ISLR2: variants seen among roughly 807,000 people sequenced by gnomAD.
ISLR2 encodes the protein immunoglobulin superfamily containing leucine rich repeat 2.
ISLR2 carries 16 observed loss-of-function variants against 25.5 expected under a neutral mutation model. The observed-to-expected ratio is 0.63, with a 90% CI of 0.43 to 0.95. The LOEUF (loss-of-function observed/expected upper bound fraction) is 0.95. ISLR2 is among the 40% of genes least tolerant of loss of function. The pLI, the probability that ISLR2 is intolerant of heterozygous loss-of-function variation, is 0.00. For synonymous variants in ISLR2, 508 were observed against 486.6 expected (o/e 1.04, Z -0.58); for missense variants, 883 against 1,030.7 (o/e 0.86, Z 1.96).
Position 74,134,095 on chromosome 15 carries a change from C to T in ISLR2, c.1341C>T (p.Asp447=), listed in dbSNP as rs1463980238. ...EDTSEGEEAE[D]QILADPAEEQ... ...CAAGTGAGGGAGAGGAGGCCGAAGACCAGATCCTCGCGGACCCGGCGGAGG... is the reference window on the plus strand; with the variant it reads ...CAAGTGAGGGAGAGGAGGCCGAAGATCAGATCCTCGCGGACCCGGCGGAGG... Residue 447 remains aspartate, a synonymous_variant, in exon 3 of 3, where the codon GAC becomes GAT. Coordinates refer to ENST00000453268, the MANE Select transcript of ISLR2 (RefSeq NM_020851.3). 7.4e-6 allele frequency: 12 copies of T among 1,613,684 alleles called. No homozygotes were observed. The highest frequency in any genetic ancestry group is 1.6e-4 in the Middle Eastern group (1 of 6,062).
upstream of ISLR2, chr15:74,127,363 G>C (rs879513476): frequency 1.3e-5 from 2 of 152,186 alleles, no homozygotes; most frequent in African/African-American, 2.4e-5. Context: ...TCAGAGAGAA[G>C]GGAGAGTGGG....
Position 74,135,127 on chromosome 15 carries a change from G to A in ISLR2, c.*135G>A. ...CTCCCCCTTACTACTCCCCAACCTT[G>A]ACTACCAGGGACTTCTATTAGGGAG... is the stretch of plus-strand genomic sequence containing the variant. On this transcript the variant is annotated 3_prime_UTR_variant, in exon 3 of 3. Transcript: ENST00000453268. 1 of 1,035,728 alleles carries A rather than the reference G, an allele frequency of 9.7e-7. No homozygotes were observed. Among genetic ancestry groups the A allele is most frequent in the Admixed American group, 2.8e-5 (1 of 35,714 alleles). The allele number at this position is 1,035,728 out of a possible 1,614,324, so 64.2% of individuals were successfully genotyped here.
chr15:74,115,634 G>A (rs2072204225), intron 2 of ISLR2, among the ~76,000 whole-genome samples: 1 of 152,050 alleles, frequency 6.6e-6, no homozygotes, highest in African/African-American at 2.4e-5. Context: ...GATGGAGATT[G>A]CAGTGAGGTG....
chr15:74,127,477 G>A (rs1287930162), upstream of ISLR2: 2 of 152,298 alleles, frequency 1.3e-5, no homozygotes, highest in East Asian at 3.9e-4. Context: ...CAGCGCCTGT[G>A]TTGTGTAGTG....
intron 2 of ISLR2, among the ~76,000 whole-genome samples, chr15:74,119,012 A>C (rs1345597364): frequency 6.6e-6 from 1 of 152,152 alleles, no homozygotes; most frequent in Non-Finnish European, 1.5e-5. Flanking sequence ...GATACAGTAT[A>C]GTATTTTTAT....
At chr15:74,110,830 G>A (rs1180346077) in intron 2 of ISLR2, among the ~76,000 whole-genome samples, 1 of 152,108 alleles carries the variant, frequency 6.6e-6, no homozygotes, top group Non-Finnish European at 1.5e-5. Context: ...GTGGTGGCGG[G>A]CACCTGTAAT....
rs541275019 is a variant in ISLR2 at position 74,132,079 on chromosome 15, G to A, written c.-8-668G>A. 7 of 152,618 alleles carry A rather than the reference G, an allele frequency of 4.6e-5. No individual in the cohort carries two copies. Among genetic ancestry groups the A allele is most frequent in the African/African-American group, 1.4e-4 (6 of 41,574 alleles). 9.5% of individuals were successfully genotyped at this position (152,618 alleles called of 1,614,324 possible). ...CAATTGTCACAATGGACAGGAAAGC[G>A]CTTTGTACCGTGGTGGAAAACACGT... On this transcript the variant is annotated intron_variant, in intron 2 of 2. Transcript: ENST00000453268. The surrounding 1 kb of genome is among the most constrained non-coding windows in gnomAD (Gnocchi z 4.3).
chr15:74,127,247 A>G (rs1324625480), upstream of ISLR2: 1 of 152,174 alleles, frequency 6.6e-6, no homozygotes, highest in Non-Finnish European at 1.5e-5. Context: ...TCAAACATCG[A>G]TTACTTCCAA....
exon 1 of ISLR2, chr15:74,100,352 A>C: frequency 1.6e-6 from 2 of 1,214,618 alleles, no homozygotes; most frequent in Non-Finnish European, 2.1e-6. Context: ...AGCCCGCTGG[A>C]GGTGCCGGGG....
chr15:74,113,345 T>A (rs780570562), intron 2 of ISLR2, among the ~76,000 whole-genome samples: 3 of 152,204 alleles, frequency 2.0e-5, no homozygotes. Context: ...GAGATGGGGT[T>A]ATGCCATGTT....
downstream of ISLR2, among the ~76,000 whole-genome samples, chr15:74,139,863 AGTGTGTGTGTGTGTGTGTGT>A (rs10579764): frequency 1.4e-3 from 179 of 128,112 alleles, 1 homozygote; most frequent in South Asian, 3.4e-3. Context: ...CGGCTTGAGG[AGTGTGTGTGTGTGTGTGTGT>A]GTGTGTGTGT....
intron 2 of ISLR2, among the ~76,000 whole-genome samples, chr15:74,108,990 G>T (rs1000584027): frequency 3.9e-5 from 6 of 152,194 alleles, no homozygotes; most frequent in African/African-American, 1.4e-4. Flanking sequence ...ATAGGCCGTG[G>T]CTGGATCAGG....
chr15:74,121,233 G>T (rs1380642757), intron 2 of ISLR2, among the ~76,000 whole-genome samples: 1 of 152,172 alleles, frequency 6.6e-6, no homozygotes. Context: ...ACAGCCGGAA[G>T]ATATGTGGGT....
At chr15:74,128,969 G>A (rs1260333516), upstream of ISLR2, 1 of 456,216 alleles carries the variant, frequency 2.2e-6, no homozygotes, top group East Asian at 7.0e-5. Flanking sequence ...ACTCACCCCG[G>A]GCTAGGGACC....
At chr15:74,105,319 C>T (rs1290736813) in intron 2 of ISLR2, among the ~76,000 whole-genome samples, 4 of 3,532 alleles carry the variant, frequency 1.1e-3, no homozygotes, top group Admixed American at 2.3e-3. Context: ...TCTGGGCCTA[C>T]ACTTTGTTCC....
chr15:74,127,461 T>C (rs2072313198), upstream of ISLR2: 1 of 152,234 alleles, frequency 6.6e-6, no homozygotes, highest in East Asian at 1.9e-4. Context: ...CAGCGCGAAG[T>C]AGGGACAGCG....
At chr15:74,131,657 TA>T (rs2072423216) in intron 2 of ISLR2, among the ~76,000 whole-genome samples, 1 of 152,128 alleles carries the variant, frequency 6.6e-6, no homozygotes, top group African/African-American at 2.4e-5. Flanking sequence ...CCAGCTTCAT[TA>T]GCTAGTGGCA....
At chr15:74,128,424 C>T (rs1433441802), upstream of ISLR2, 7 of 455,900 alleles carry the variant, frequency 1.5e-5, no homozygotes, top group Non-Finnish European at 2.6e-5. Context: ...TCACCGCGTC[C>T]TTAACCACCC....
At chr15:74,121,270 C>G (rs967855514) in intron 2 of ISLR2, among the ~76,000 whole-genome samples, 1 of 152,140 alleles carries the variant, frequency 6.6e-6, no homozygotes, top group African/African-American at 2.4e-5. Flanking sequence ...CTGGGAGAGG[C>G]AAATAAATAC....
Sources: allele counts gnomAD v4.1 joint callset (sites outside exome capture counted in the v4.1 genomes callset), GRCh38; gene constraint gnomAD v4.1.1; non-coding constraint Gnocchi (gnomAD v3.1); transcripts MANE v1.5; gene names NCBI Gene and HGNC (gene_info 2026-07-23, HGNC 2026-07-21).